Variants in BIRC6 observed in about 807,000 individuals in gnomAD.
The protein encoded by BIRC6 is baculoviral IAP repeat containing 6.
A neutral mutation model predicts 503.3 loss-of-function variants in BIRC6; 98 were observed. The ratio of observed to expected loss-of-function variants is 0.19; its 90% CI spans 0.17 to 0.23. The LOEUF (loss-of-function observed/expected upper bound fraction) is 0.23. Among genes scored for constraint, BIRC6 ranks in the 10% least tolerant of loss-of-function variants. The pLI is 1.00. For synonymous variants in BIRC6, 2,240 were observed against 2,078.7 expected, an observed-to-expected ratio of 1.08 and a Z score of -2.11; for missense variants, 5,360 against 5,806.0, an observed-to-expected ratio of 0.92 and a Z score of 2.50.
chr2:32,560,011 A>T (rs901028254), intron 65 of BIRC6, among the ~76,000 whole-genome samples: 1 of 152,130 alleles, frequency 6.6e-6, no homozygotes, highest in African/African-American at 2.4e-5. Context: ...GTGAGACTTC[A>T]TCTCAAAAAA....
In BIRC6 at chr2:32,377,231, G is replaced by A. The variant is rs189400575; in HGVS notation, c.326-357G>A. Among the ~76,000 whole-genome samples, 357 of 149,346 alleles carry A rather than the reference G, an allele frequency of 2.4e-3. 1 individual carries two copies. Among genetic ancestry groups the A allele is most frequent in the African/African-American group, 8.1e-3 (334 of 41,242 alleles). Reference sequence around the variant, plus strand: ...AATATATATGTGTGTGTGTGTGTGTGTGTGTGTGTGTGTGTGTGTATACAC... The same window carrying A: ...AATATATATGTGTGTGTGTGTGTGTATGTGTGTGTGTGTGTGTGTATACAC... On this transcript the variant is annotated intron_variant, in intron 1 of 73. Coordinates refer to ENST00000421745, the MANE Select transcript of BIRC6 (RefSeq NM_016252.4).
chr2:32,518,720 A>C (rs1357557444), intron 56 of BIRC6, 97 bp from the exon 57 acceptor site: 27 of 1,343,972 alleles, frequency 2.0e-5, no homozygotes, highest in Middle Eastern at 1.9e-4. Context: ...TGTAGGATTT[A>C]TTGAGTATTT....
chr2:32,459,159 C>T (rs2047560837), intron 23 of BIRC6, among the ~76,000 whole-genome samples: 1 of 152,260 alleles, frequency 6.6e-6, no homozygotes, highest in South Asian at 2.1e-4. Context: ...ATTTCCATCA[C>T]TACAGGAAGA....
chr2:32,395,490 C>G (rs2039774392), intron 5 of BIRC6, 21 bp from the exon 6 acceptor site: 2 of 1,554,140 alleles, frequency 1.3e-6, no homozygotes, highest in East Asian at 4.5e-5. Flanking sequence ...TTTTCTGTCT[C>G]TTTTCTTTAT....
intron 61 of BIRC6, among the ~76,000 whole-genome samples, chr2:32,542,090 TGAA>T (rs1206241846): frequency 3.5e-4 from 54 of 152,182 alleles, no homozygotes; most frequent in Non-Finnish European, 2.4e-4. Flanking sequence ...TTGACAGTTT[TGAA>T]GAATACATGC....
intron 68 of BIRC6, among the ~76,000 whole-genome samples, chr2:32,596,248 C>T (rs1282952135): frequency 6.6e-6 from 1 of 151,860 alleles, no homozygotes; most frequent in African/African-American, 2.4e-5. Context: ...TTTAGGAGGC[C>T]GAGGTGGGCG....
chr2:32,403,146 C>T (rs906069695), intron 8 of BIRC6, among the ~76,000 whole-genome samples: 1 of 152,160 alleles, frequency 6.6e-6, no homozygotes, highest in African/African-American at 2.4e-5. Flanking sequence ...GGTGAAACTT[C>T]ATCCCTAACC....
At chr2:32,585,771 A>T (rs953348610) in intron 66 of BIRC6, among the ~76,000 whole-genome samples, 17 of 152,320 alleles carry the variant, frequency 1.1e-4, no homozygotes, top group Admixed American at 9.8e-4. Context: ...TAAATCAAGC[A>T]TGCATTGTAA....
At chr2:32,437,881 G>A (rs1273296299) in intron 15 of BIRC6, among the ~76,000 whole-genome samples, 2 of 152,152 alleles carry the variant, frequency 1.3e-5, no homozygotes, top group African/African-American at 4.8e-5. Flanking sequence ...ATCTCAAATT[G>A]TTTAGATTAT....
intron 9 of BIRC6, among the ~76,000 whole-genome samples, chr2:32,411,143 A>G (rs1211571249): frequency 6.7e-6 from 1 of 149,964 alleles, no homozygotes; most frequent in African/African-American, 2.5e-5. Flanking sequence ...GGTTCAAACG[A>G]TTCTCCTGCT....
chr2:32,603,077 T>C lies in BIRC6; in HGVS notation c.14064T>C (p.Phe4688=). ...AGTGGAATCCTCAGACCTCAAGCTTTTTGCAAGTAAACAAAATTTCTCTGA... is the reference window on the plus strand; with the variant it reads ...AGTGGAATCCTCAGACCTCAAGCTTCTTGCAAGTAAACAAAATTTCTCTGA... ...EEKWNPQTSS[F]LQVLVSVQSL... is the part of the protein sequence containing the mutation. The change falls in exon 71 of 74, where the codon TTT becomes TTC. Residue 4688 remains phenylalanine (F), a synonymous_variant. Coordinates refer to ENST00000421745, the MANE Select transcript of BIRC6 (RefSeq NM_016252.4). 1 of 1,608,726 alleles carries C rather than the reference T, an allele frequency of 6.2e-7. No individual in the cohort carries two copies. The highest frequency in any genetic ancestry group is 8.5e-7 in the Non-Finnish European group (1 of 1,178,264).
chr2:32,512,287 A>G (rs909550555), intron 53 of BIRC6, among the ~76,000 whole-genome samples: 1 of 152,214 alleles, frequency 6.6e-6, no homozygotes, highest in Non-Finnish European at 1.5e-5. Context: ...AGGAAAATAA[A>G]CAAAATGTAA....
chr2:32,575,105 T>C, intron 65 of BIRC6, 51 bp from the exon 66 acceptor site: 1 of 1,588,368 alleles, frequency 6.3e-7, no homozygotes, highest in Non-Finnish European at 8.6e-7. Context: ...GTGGACCTAC[T>C]TTTATATTGT....
rs752414266 is a variant in BIRC6, at chr2:32,481,384, A to C, written c.7473A>C (p.Leu2491=). 6.2e-7 allele frequency: 1 copy of C among 1,612,266 alleles called. No individual in the cohort carries two copies. The highest frequency in any genetic ancestry group is 1.1e-5 in the South Asian group (1 of 90,878). The change falls in exon 38 of 74, where the codon CTA becomes CTC. Residue 2491 remains leucine (L), a synonymous_variant. Transcript: ENST00000421745. The part of the protein sequence containing the change: ...KEIDLELLQD[L]MEVDIDPLDI... ...TTGACCTTGAGTTACTTCAGGATCT[A>C]ATGGAAGTTGACATTGATCCTTTAG... is the stretch of plus-strand genomic sequence containing the variant.
chr2:32,543,611 C>CTAT (rs1259095674), intron 62 of BIRC6, 70 bp downstream of exon 62: 2 of 1,415,268 alleles, frequency 1.4e-6, no homozygotes, highest in Non-Finnish European at 1.9e-6. Flanking sequence ...AGATCATTGC[C>CTAT]TATTATTCAT....
chr2:32,418,502 C>T (rs1050429437), intron 10 of BIRC6, among the ~76,000 whole-genome samples: 2 of 152,146 alleles, frequency 1.3e-5, no homozygotes, highest in Non-Finnish European at 2.9e-5. Context: ...CATAATACAA[C>T]AAAAGATGAA....
intron 57 of BIRC6, among the ~76,000 whole-genome samples, chr2:32,521,364 TCAAAAAAAA>T (rs2055654606): frequency 9.5e-4 from 1 of 1,058 alleles, no homozygotes; most frequent in African/African-American, 1.9e-3. Flanking sequence ...AGACCTCATC[TCAAAAAAAA>T]AAAAAAAAAA....
intron 51 of BIRC6, among the ~76,000 whole-genome samples, chr2:32,508,723 A>G (rs1428807414): frequency 6.6e-6 from 1 of 152,014 alleles, no homozygotes; most frequent in East Asian, 1.9e-4. Flanking sequence ...TTTAATCAAC[A>G]TTTTTCTGAT....
At chr2:32,388,563 A>G (rs548823360) in intron 3 of BIRC6, among the ~76,000 whole-genome samples, 187 bp from the exon 4 acceptor site, 1 of 152,186 alleles carries the variant, frequency 6.6e-6, no homozygotes, top group East Asian at 1.9e-4. Context: ...GATTGGTTCC[A>G]TATCTTGGCT....
Sources: allele counts gnomAD v4.1 joint callset (sites outside exome capture counted in the v4.1 genomes callset), GRCh38; gene constraint gnomAD v4.1.1; transcripts MANE v1.5; gene names NCBI Gene and HGNC (gene_info 2026-07-23, HGNC 2026-07-21).